Variants in VPS13B observed in about 807,000 individuals in gnomAD.
VPS13B encodes the protein vacuolar protein sorting 13 homolog B.
Under a neutral mutation model 426.4 loss-of-function variants are expected in VPS13B, and 285 were observed. That is an observed-to-expected ratio of 0.67 (90% confidence interval 0.61 to 0.74). VPS13B has a LOEUF of 0.74. VPS13B is among the 30% of genes least tolerant of loss of function. The pLI is 0.00. For missense variants in VPS13B, 4,537 were observed against 4,782.6 expected, an observed-to-expected ratio of 0.95 and a Z score of 1.51; for synonymous variants, 1,676 against 1,676.4, an observed-to-expected ratio of 1.00 and a Z score of 0.01.
intron 16 of VPS13B, among the ~76,000 whole-genome samples, chr8:99,188,174 A>T (rs1005176814): frequency 1.3e-5 from 2 of 151,544 alleles, no homozygotes; most frequent in Non-Finnish European, 2.9e-5. Flanking sequence ...TTACAACATA[A>T]ATTTCATCAT....
intron 16 of VPS13B, among the ~76,000 whole-genome samples, chr8:99,171,551 G>T (rs1812333522): frequency 6.6e-6 from 1 of 151,756 alleles, no homozygotes; most frequent in Admixed American, 6.6e-5. Flanking sequence ...TTATTTGAAG[G>T]ATACAAAGAG....
chr8:99,331,098 G>A (rs984741726), intron 19 of VPS13B, among the ~76,000 whole-genome samples: 13 of 151,454 alleles, frequency 8.6e-5, no homozygotes, highest in South Asian at 6.2e-4. Flanking sequence ...TATTCTTTTC[G>A]GAATAAGGAT....
intron 56 of VPS13B, among the ~76,000 whole-genome samples, chr8:99,856,265 CAA>C (rs1198910249): frequency 1.3e-5 from 2 of 152,190 alleles, no homozygotes; most frequent in Non-Finnish European, 2.9e-5. Flanking sequence ...TATAGAGGGC[CAA>C]GTTTTCAGAG....
At chr8:99,604,318 AGT>A (rs1481477138) in intron 33 of VPS13B, among the ~76,000 whole-genome samples, 4 of 152,262 alleles carry the variant, frequency 2.6e-5, no homozygotes, top group Non-Finnish European at 5.9e-5. Context: ...ATGAACCAAC[AGT>A]GATACATTAT....
At chr8:99,338,410 T>C (rs1399752427) in intron 19 of VPS13B, among the ~76,000 whole-genome samples, 1 of 152,052 alleles carries the variant, frequency 6.6e-6, no homozygotes, top group Non-Finnish European at 1.5e-5. Context: ...TTCCATTTTA[T>C]TCTTTATATA....
intron 15 of VPS13B, among the ~76,000 whole-genome samples, chr8:99,160,459 G>C (rs1026471740): frequency 2.0e-5 from 3 of 151,958 alleles, no homozygotes; most frequent in African/African-American, 4.8e-5. Flanking sequence ...AGGAGGTCGA[G>C]ACCCCCCTGA....
At chr8:99,568,367 T>C (rs1825297997) in intron 31 of VPS13B, among the ~76,000 whole-genome samples, 1 of 151,764 alleles carries the variant, frequency 6.6e-6, no homozygotes, top group South Asian at 2.1e-4. Flanking sequence ...CTCGTCTCAC[T>C]GCAGCCTCTG....
chr8:99,289,988 G>T (rs1269432100), intron 19 of VPS13B, among the ~76,000 whole-genome samples: 1 of 152,012 alleles, frequency 6.6e-6, no homozygotes, highest in Non-Finnish European at 1.5e-5. Context: ...AGTGGAGGAG[G>T]TAAGACTGAC....
intron 39 of VPS13B, among the ~76,000 whole-genome samples, chr8:99,748,218 G>A (rs1404966736): frequency 6.6e-6 from 1 of 151,908 alleles, no homozygotes; most frequent in African/African-American, 2.4e-5. Flanking sequence ...CTTTCTACCT[G>A]ATGATCCACG....
intron 17 of VPS13B, among the ~76,000 whole-genome samples, chr8:99,212,505 C>G (rs1815147439): frequency 6.6e-6 from 1 of 152,102 alleles, no homozygotes; most frequent in South Asian, 2.1e-4. Context: ...TACATTATAG[C>G]CACAAAGAAG....
chr8:99,683,164 A>C (rs1035665249), intron 35 of VPS13B, among the ~76,000 whole-genome samples: 13 of 152,146 alleles, frequency 8.5e-5, no homozygotes, highest in Admixed American at 1.3e-4. Context: ...ATCAACTAAT[A>C]ATTCTTTGGA....
At chr8:99,498,904 G>A (rs961402918) in intron 25 of VPS13B, among the ~76,000 whole-genome samples, 1 of 152,134 alleles carries the variant, frequency 6.6e-6, no homozygotes, top group Admixed American at 6.6e-5. Context: ...AACAGTGGTC[G>A]AAGTGTTTAG....
intron 31 of VPS13B, 47 bp from the exon 32 acceptor site, chr8:99,575,611 C>T (rs769556025): frequency 6.2e-7 from 1 of 1,611,574 alleles, no homozygotes; most frequent in Non-Finnish European, 8.5e-7. Flanking sequence ...TGAAAATTGT[C>T]TTTGAAAATA....
chr8:99,096,042 A>C lies in VPS13B; in HGVS notation c.292-270A>C, dbSNP rs7461615. On this transcript the variant is annotated intron_variant, in intron 3 of 61. Transcript: ENST00000357162. ...TCTTTTGCTAGAGCCATAAATAAGA[A>C]TTCTTTGGAGATTGTCAAGTAGTTT... Among the ~76,000 whole-genome samples the C allele has an allele frequency of 0.74, 112,703 of 152,006 alleles. 42,437 individuals carry two copies. Among genetic ancestry groups the C allele is most frequent in the South Asian group, 0.87 (4,175 of 4,818 alleles).
At chr8:99,591,674 T>C (rs1024260370) in intron 33 of VPS13B, among the ~76,000 whole-genome samples, 1 of 152,194 alleles carries the variant, frequency 6.6e-6, no homozygotes, top group African/African-American at 2.4e-5. Flanking sequence ...ATGTTGAATA[T>C]TGGCCCCCAC....
chr8:99,507,206 G>A lies in VPS13B; in HGVS notation c.4224+3G>A, dbSNP rs556797444. On this transcript the variant is annotated splice_donor_region_variant and intron_variant, in intron 28 of 61. Coordinates refer to ENST00000357162, the MANE Select transcript of VPS13B (RefSeq NM_152564.5). ...TACAATGCAAAGAAAAATCTGTGGTGAGACCCATTTAGTTACTATGATTTT... is the reference window on the plus strand; with the variant it reads ...TACAATGCAAAGAAAAATCTGTGGTAAGACCCATTTAGTTACTATGATTTT... The A allele has an allele frequency of 6.2e-7, 1 of 1,613,788 alleles. No homozygotes were observed. Among genetic ancestry groups the A allele is most frequent in the East Asian group, 2.2e-5 (1 of 44,836 alleles).
chr8:99,428,530 A>T (rs1010248333), intron 21 of VPS13B, among the ~76,000 whole-genome samples: 32 of 152,322 alleles, frequency 2.1e-4, no homozygotes, highest in African/African-American at 7.0e-4. Flanking sequence ...GACACATGAA[A>T]AAATGCTCAT....
intron 30 of VPS13B, among the ~76,000 whole-genome samples, chr8:99,548,741 C>G (rs1824120263): frequency 6.6e-6 from 1 of 151,684 alleles, no homozygotes; most frequent in Admixed American, 6.6e-5. Context: ...GGGAAAAAAT[C>G]CTCCTATTTT....
At chr8:99,866,534 G>A (rs187934345) in intron 58 of VPS13B, among the ~76,000 whole-genome samples, 46 of 152,340 alleles carry the variant, frequency 3.0e-4, no homozygotes, top group Non-Finnish European at 6.3e-4. Flanking sequence ...CTTTTGGGGG[G>A]CTGCCCAAAT....
Sources: allele counts gnomAD v4.1 joint callset (sites outside exome capture counted in the v4.1 genomes callset), GRCh38; gene constraint gnomAD v4.1.1; transcripts MANE v1.5; gene names NCBI Gene and HGNC (gene_info 2026-07-23, HGNC 2026-07-21).